AOAH: variants seen among roughly 807,000 people sequenced by gnomAD.
AOAH encodes acyloxyacyl hydrolase, also known as acyloxyacyl hydrolase (neutrophil).
A neutral mutation model predicts 92.2 loss-of-function variants in AOAH; 64 were observed. The ratio of observed to expected loss-of-function variants is 0.69; its 90% CI spans 0.57 to 0.86. The LOEUF is 0.86. Ranked by LOEUF, AOAH falls within the 40% of genes least tolerant of loss-of-function variation. The pLI, the probability that AOAH is intolerant of heterozygous loss-of-function variation, is 0.00. For synonymous variants in AOAH, 263 were observed against 254.5 expected (o/e 1.03, Z -0.32); for missense variants, 656 against 694.6 (o/e 0.94, Z 0.62).
At chr7:36,673,445 G>T (rs1796050877) in intron 3 of AOAH, among the ~76,000 whole-genome samples, 1 of 152,330 alleles carries the variant, frequency 6.6e-6, no homozygotes, top group Non-Finnish European at 1.5e-5. Flanking sequence ...GCTAAGGCAG[G>T]AGAATTGCTT....
intron 1 of AOAH, among the ~76,000 whole-genome samples, chr7:36,714,496 A>C (rs1798993696): frequency 6.6e-6 from 1 of 152,222 alleles, no homozygotes; most frequent in African/African-American, 2.4e-5. Flanking sequence ...CATCATCCTG[A>C]TACCAAAGCC....
chr7:36,558,532 A>G (rs1447533483), intron 13 of AOAH, among the ~76,000 whole-genome samples: 1 of 152,242 alleles, frequency 6.6e-6, no homozygotes, highest in East Asian at 1.9e-4. Context: ...TTAAGTCTGC[A>G]GAGGTTACTG....
chr7:36,690,166 T>A (rs1448810272), intron 1 of AOAH: 1 of 455,024 alleles, frequency 2.2e-6, no homozygotes, highest in Non-Finnish European at 4.4e-6. Flanking sequence ...AGTTGTGGCT[T>A]CTCAGCACTG....
chr7:36,586,114 C>T (rs1441182803), intron 12 of AOAH, among the ~76,000 whole-genome samples: 1 of 152,000 alleles, frequency 6.6e-6, no homozygotes, highest in African/African-American at 2.4e-5. Context: ...AGGCTTCATT[C>T]TTTCCTTCAT....
At chr7:36,658,815 C>T (rs560208942) in intron 4 of AOAH, among the ~76,000 whole-genome samples, 1 of 152,248 alleles carries the variant, frequency 6.6e-6, no homozygotes, top group Admixed American at 6.5e-5. Flanking sequence ...GCAGGAAAGT[C>T]CTGGGCAAAC....
At position 36,549,391 on chromosome 7, in the gene AOAH, T is replaced by C. The variant is rs186707363; in HGVS notation, c.1058+48A>G. On this transcript the variant is annotated intron_variant, in intron 14 of 20. Transcript: ENST00000617537. ...GTAATAACAGAGTTTTCATTCCTTATTCAAAATGAGAAACCAAATTAAAAA... is the reference window on the plus strand; with the variant it reads ...GTAATAACAGAGTTTTCATTCCTTACTCAAAATGAGAAACCAAATTAAAAA... 6.8e-5 allele frequency: 96 copies of C among 1,417,548 alleles called. No homozygotes were observed. In the East Asian group the frequency reaches 2.0e-3, roughly 30 times the overall value. The allele number at this position is 1,417,548 out of a possible 1,614,324, so 87.8% of individuals were successfully genotyped here.
chr7:36,697,307 T>C (rs1283317745), intron 1 of AOAH, among the ~76,000 whole-genome samples: 1 of 152,232 alleles, frequency 6.6e-6, no homozygotes, highest in African/African-American at 2.4e-5. Context: ...GACAATGTAA[T>C]TGTGGCCTCT....
chr7:36,657,279 C>T (rs1169459711), intron 4 of AOAH, among the ~76,000 whole-genome samples: 1 of 152,158 alleles, frequency 6.6e-6, no homozygotes, highest in Non-Finnish European at 1.5e-5. Flanking sequence ...GGGTGTGAAC[C>T]CAGTTCTGTT....
Position 36,516,542 on chromosome 7 carries a change from G to A in AOAH, c.1600-3162C>T, listed in dbSNP as rs1783728213. 6.6e-6 allele frequency among the ~76,000 whole-genome samples: 1 copy of A among 152,016 alleles called. No individual in the cohort carries two copies. The highest frequency in any genetic ancestry group is 1.5e-5 in the Non-Finnish European group (1 of 68,006). ...TATACTTCTTTGCACTTAAAAGCAGGAGCATGTCAAAGGCTGCCTGCGAAG... is the reference window on the plus strand; with the variant it reads ...TATACTTCTTTGCACTTAAAAGCAGAAGCATGTCAAAGGCTGCCTGCGAAG... On this transcript the variant is annotated intron_variant, in intron 20 of 20. Transcript: ENST00000617537. This position sits in a 1 kb window ranked among gnomAD's most constrained non-coding sequence, Gnocchi z 5.0.
chr7:36,573,739 A>G (rs1477737677), intron 13 of AOAH, among the ~76,000 whole-genome samples: 1 of 152,156 alleles, frequency 6.6e-6, no homozygotes, highest in Admixed American at 6.5e-5. Flanking sequence ...AAAATGCGTT[A>G]TAATCACTGA....
intron 3 of AOAH, among the ~76,000 whole-genome samples, chr7:36,665,466 CAT>C (rs1795474019): frequency 1.3e-5 from 2 of 150,836 alleles, no homozygotes; most frequent in South Asian, 4.2e-4. Context: ...GGATTTTCCA[CAT>C]AGACAATCAT....
chr7:36,670,718 G>A (rs1005677536), intron 3 of AOAH, among the ~76,000 whole-genome samples: 4 of 152,054 alleles, frequency 2.6e-5, no homozygotes, highest in South Asian at 2.1e-4. Flanking sequence ...CTCGTGATCC[G>A]CCCGCCTTGG....
Position 36,623,272 on chromosome 7 carries a change from A to G in AOAH, c.522-22T>C, listed in dbSNP as rs752523375. Reference sequence around the variant, plus strand: ...AGCTCTAGGAAAAAGAAAACAAAACAATCGGTGAGCTAACAAAAAAAGTAA... The same window carrying G: ...AGCTCTAGGAAAAAGAAAACAAAACGATCGGTGAGCTAACAAAAAAAGTAA... On this transcript the variant is annotated intron_variant, in intron 6 of 20. Transcript: ENST00000617537. The G allele has an allele frequency of 4.3e-6, 7 of 1,609,986 alleles. No individual in the cohort carries two copies. In the African/African-American group the frequency reaches 8.0e-5, roughly 18 times the overall value.
At chr7:36,683,882 T>C (rs1258710888) in intron 2 of AOAH, among the ~76,000 whole-genome samples, 1 of 151,972 alleles carries the variant, frequency 6.6e-6, no homozygotes, top group Non-Finnish European at 1.5e-5. Context: ...TAATCCCAGC[T>C]ACTCAGGAGG....
chr7:36,654,115 G>T (rs1358808394), intron 4 of AOAH, among the ~76,000 whole-genome samples: 1 of 145,690 alleles, frequency 6.9e-6, no homozygotes, highest in African/African-American at 2.4e-5. Flanking sequence ...ATGCATCCCT[G>T]TGCGTGTGTG....
chr7:36,631,847 A>G (rs1422229591), intron 6 of AOAH, among the ~76,000 whole-genome samples, 189 bp downstream of exon 6: 5 of 152,128 alleles, frequency 3.3e-5, no homozygotes, highest in African/African-American at 4.8e-5. Context: ...GGCATTCAGT[A>G]TATTTCCCAA....
intron 6 of AOAH, among the ~76,000 whole-genome samples, chr7:36,626,767 G>C (rs1453106880): frequency 1.3e-5 from 2 of 152,030 alleles, no homozygotes; most frequent in African/African-American, 4.8e-5. Context: ...TGGCTCCAAG[G>C]CTTCTTGTTT....
chr7:36,609,394 A>G (rs1370340309), intron 11 of AOAH, among the ~76,000 whole-genome samples: 4 of 151,960 alleles, frequency 2.6e-5, no homozygotes, highest in Admixed American at 1.3e-4. Context: ...AAACCCTTCA[A>G]TGGCTCCTGC....
chr7:36,656,767 T>C (rs1057410750), intron 4 of AOAH, among the ~76,000 whole-genome samples: 1 of 150,516 alleles, frequency 6.6e-6, no homozygotes, highest in Admixed American at 6.7e-5. Context: ...GTTTGCTTTA[T>C]TGCTGCAAGG....
Sources: allele counts gnomAD v4.1 joint callset (sites outside exome capture counted in the v4.1 genomes callset), GRCh38; gene constraint gnomAD v4.1.1; non-coding constraint Gnocchi (gnomAD v3.1); transcripts MANE v1.5; gene names NCBI Gene and HGNC (gene_info 2026-07-23, HGNC 2026-07-21).